The following PLPP4 variants were observed in gnomAD, a reference collection of about 807,000 sequenced individuals.
PLPP4 encodes diacylglycerol pyrophosphate like 2.
Under a neutral mutation model 32.2 loss-of-function variants are expected in PLPP4, and 20 were observed. That is an observed-to-expected ratio of 0.62 (90% CI 0.44 to 0.90). The LOEUF is 0.90. PLPP4 is among the 40% of genes least tolerant of loss of function. PLPP4 has a pLI of 0.00. For missense variants in PLPP4, 257 were observed against 353.1 expected, an observed-to-expected ratio of 0.73 and a Z score of 2.18; for synonymous variants, 127 against 133.0, an observed-to-expected ratio of 0.95 and a Z score of 0.31.
chr10:120,492,569 G>T lies in PLPP4; in HGVS notation c.57-11249G>T, dbSNP rs566114330. Among the ~76,000 whole-genome samples the T allele has an allele frequency of 3.3e-5, 5 of 152,302 alleles. No individual in the cohort carries two copies. The South Asian group carries it at 1.0e-3, about 32-fold the overall frequency. On this transcript the variant is annotated intron_variant, in intron 1 of 6. Coordinates refer to ENST00000398250, the MANE Select transcript of PLPP4 (RefSeq NM_001030059.3). ...TCACTGTTTATTCCTCCCCACAGCT[G>T]CTGAGATAGTGGCAGTTATCTCCAT...
chr10:120,520,389 C>T (rs1236976310), intron 4 of PLPP4, among the ~76,000 whole-genome samples: 1 of 152,182 alleles, frequency 6.6e-6, no homozygotes, highest in Non-Finnish European at 1.5e-5. Context: ...TCTTGGATCC[C>T]AGAGGCAACC....
At chr10:120,532,447 T>C (rs1002623096) in intron 5 of PLPP4, among the ~76,000 whole-genome samples, 2 of 152,160 alleles carry the variant, frequency 1.3e-5, no homozygotes, top group Non-Finnish European at 2.9e-5. Flanking sequence ...TTTAAATAAA[T>C]TCATTTGAAA....
intron 1 of PLPP4, among the ~76,000 whole-genome samples, chr10:120,494,910 A>G (rs146249732): frequency 6.6e-6 from 1 of 152,196 alleles, no homozygotes; most frequent in African/African-American, 2.4e-5. Context: ...AAGTAAGGTC[A>G]TATCTCTGTA....
chr10:120,522,622 A>C (rs1020920203), intron 5 of PLPP4, among the ~76,000 whole-genome samples: 10 of 152,198 alleles, frequency 6.6e-5, no homozygotes, highest in Non-Finnish European at 1.3e-4. Flanking sequence ...AACGGTGGTG[A>C]GTTGAGTAGT....
At chr10:120,482,997 T>TAATCA in intron 1 of PLPP4, among the ~76,000 whole-genome samples, 1 of 152,172 alleles carries the variant, frequency 6.6e-6, no homozygotes, top group East Asian at 1.9e-4. Flanking sequence ...ACCCTCAATC[T>TAATCA]GGGTGGGCAT....
chr10:120,485,792 G>T (rs1394876365), intron 1 of PLPP4, among the ~76,000 whole-genome samples: 1 of 152,244 alleles, frequency 6.6e-6, no homozygotes, highest in Non-Finnish European at 1.5e-5. Context: ...CTGAGTTGCT[G>T]CTTGCCCATC....
At chr10:120,506,997 A>G (rs1471777535) in intron 2 of PLPP4, among the ~76,000 whole-genome samples, 1 of 152,198 alleles carries the variant, frequency 6.6e-6, no homozygotes, top group Non-Finnish European at 1.5e-5. Context: ...CTGTTTCCTC[A>G]TTCAAAAGAG....
chr10:120,554,699 C>A (rs1432240792), intron 5 of PLPP4, among the ~76,000 whole-genome samples: 1 of 152,016 alleles, frequency 6.6e-6, no homozygotes, highest in Non-Finnish European at 1.5e-5. Context: ...ACAATCATGG[C>A]AGAAGGTGAA....
chr10:120,472,733 C>T (rs1848574273), intron 1 of PLPP4, among the ~76,000 whole-genome samples: 2 of 151,968 alleles, frequency 1.3e-5, no homozygotes, highest in South Asian at 4.2e-4. Context: ...ATATATTAGA[C>T]AGTTTGATAA....
intron 5 of PLPP4, among the ~76,000 whole-genome samples, chr10:120,529,576 G>C (rs1467177917): frequency 2.6e-5 from 4 of 152,170 alleles, no homozygotes; most frequent in Non-Finnish European, 4.4e-5. Flanking sequence ...GCCAGAAATA[G>C]TGGCTCATGT....
intron 6 of PLPP4, among the ~76,000 whole-genome samples, chr10:120,587,718 A>C (rs554077303): frequency 1.1e-4 from 17 of 152,364 alleles, no homozygotes; most frequent in African/African-American, 4.1e-4. Flanking sequence ...GTTTCTAAGC[A>C]TTGAGCAGCT....
intron 5 of PLPP4, among the ~76,000 whole-genome samples, chr10:120,557,563 TTC>T (rs1848217633): frequency 1.3e-5 from 2 of 152,192 alleles, no homozygotes; most frequent in African/African-American, 2.4e-5. Flanking sequence ...GGAGCACAGC[TTC>T]TGTTTTTCTG....
chr10:120,584,766 G>T (rs947546091), intron 6 of PLPP4, among the ~76,000 whole-genome samples: 18 of 152,172 alleles, frequency 1.2e-4, no homozygotes, highest in African/African-American at 4.3e-4. Context: ...CGCCACCTTT[G>T]TAATAAACAC....
intron 1 of PLPP4, among the ~76,000 whole-genome samples, chr10:120,460,572 A>G (rs1252896324): frequency 6.6e-6 from 1 of 152,176 alleles, no homozygotes; most frequent in Non-Finnish European, 1.5e-5. Context: ...AGCCTGATGA[A>G]GGGGGTATAT....
intron 5 of PLPP4, among the ~76,000 whole-genome samples, chr10:120,570,461 T>C (rs963734301): frequency 1.3e-5 from 2 of 152,124 alleles, no homozygotes; most frequent in African/African-American, 4.8e-5. Context: ...CCAGAAATTA[T>C]CAGCTTGTGT....
intron 4 of PLPP4, among the ~76,000 whole-genome samples, chr10:120,520,160 C>T (rs556806216): frequency 1.8e-4 from 27 of 152,280 alleles, no homozygotes; most frequent in African/African-American, 6.5e-4. Flanking sequence ...GCTGTGATTG[C>T]TGCAGGAGGC....
intron 5 of PLPP4, among the ~76,000 whole-genome samples, chr10:120,569,488 T>C (rs1170893208): frequency 6.6e-6 from 1 of 152,210 alleles, no homozygotes; most frequent in African/African-American, 2.4e-5. Context: ...ATAGTCTGCT[T>C]TTTTCTGTTT....
At chr10:120,506,156 A>G (rs10510070) in intron 2 of PLPP4, among the ~76,000 whole-genome samples, 11,271 of 152,310 alleles carry the variant, frequency 0.074, 511 homozygotes, top group South Asian at 0.17. Context: ...ATATTCAGCT[A>G]CACATACTGA....
rs1849924330 is a variant in PLPP4 at position 120,589,539 on chromosome 10, A to G, written c.*37A>G. ...GGAGGATGGACACTAAGCCCTGGGCACATCTGCCACCCTGACATCATAACA... is the reference window on the plus strand; with the variant it reads ...GGAGGATGGACACTAAGCCCTGGGCGCATCTGCCACCCTGACATCATAACA... On this transcript the variant is annotated 3_prime_UTR_variant, in exon 7 of 7. Transcript: ENST00000398250. The G allele has an allele frequency of 1.3e-6, 2 of 1,506,010 alleles. No homozygotes were observed. Among genetic ancestry groups the G allele is most frequent in the Non-Finnish European group, 1.8e-6 (2 of 1,087,190 alleles). The allele number at this position is 1,506,010 out of a possible 1,614,324, so 93.3% of individuals were successfully genotyped here.
Sources: allele counts gnomAD v4.1 joint callset (sites outside exome capture counted in the v4.1 genomes callset), GRCh38; gene constraint gnomAD v4.1.1; transcripts MANE v1.5; gene names NCBI Gene and HGNC (gene_info 2026-07-23, HGNC 2026-07-21).